Variants in WDPCP observed in about 807,000 individuals in gnomAD.
The protein encoded by WDPCP is WD repeat containing planar cell polarity effector, also known as WD repeat-containing and planar cell polarity effector protein fritz homolog.
WDPCP carries 71 observed loss-of-function variants against 93.1 expected under a neutral mutation model. The ratio of observed to expected loss-of-function variants is 0.76; its 90% CI spans 0.63 to 0.93. WDPCP has a LOEUF of 0.93. WDPCP is among the 40% of genes least tolerant of loss of function. The pLI is 0.00. For missense variants in WDPCP, 844 were observed against 887.4 expected (o/e 0.95, Z 0.62); for synonymous variants, 315 against 315.0 (o/e 1.00, Z 0.00).
intron 1 of WDPCP, among the ~76,000 whole-genome samples, chr2:63,570,728 ATTTAG>A (rs1259642682): frequency 6.6e-6 from 1 of 152,158 alleles, no homozygotes; most frequent in African/African-American, 2.4e-5. Context: ...AAATACTTTA[ATTTAG>A]TTTATTCATA....
chr2:63,170,702 T>G (rs1335916339), intron 15 of WDPCP, among the ~76,000 whole-genome samples: 1 of 152,242 alleles, frequency 6.6e-6, no homozygotes, highest in Non-Finnish European at 1.5e-5. Context: ...ATAATTTTCC[T>G]TAACTGATGT....
At chr2:63,337,579 C>T (rs1381451894) in intron 12 of WDPCP, among the ~76,000 whole-genome samples, 1 of 152,160 alleles carries the variant, frequency 6.6e-6, no homozygotes. Flanking sequence ...GAGGAACCTC[C>T]ATTCTGTTCT....
chr2:63,359,151 A>G (rs1451586738), intron 12 of WDPCP, among the ~76,000 whole-genome samples: 2 of 151,286 alleles, frequency 1.3e-5, no homozygotes, highest in African/African-American at 4.9e-5. Flanking sequence ...TCGTATCTCA[A>G]TACTACTTTG....
intron 12 of WDPCP, among the ~76,000 whole-genome samples, chr2:63,348,941 T>C (rs1689382604): frequency 6.6e-6 from 1 of 152,176 alleles, no homozygotes; most frequent in Non-Finnish European, 1.5e-5. Context: ...GCAGTATAAA[T>C]TGTGGACCTG....
At chr2:63,698,301 T>C (rs1279057369) in intron 2 of WDPCP, among the ~76,000 whole-genome samples, 1 of 152,184 alleles carries the variant, frequency 6.6e-6, no homozygotes, top group Non-Finnish European at 1.5e-5. Flanking sequence ...GTGACCTTTA[T>C]GCAAGGTCTT....
intron 12 of WDPCP, among the ~76,000 whole-genome samples, chr2:63,358,202 A>G (rs549237567): frequency 4.6e-5 from 7 of 152,296 alleles, no homozygotes; most frequent in Admixed American, 2.0e-4. Flanking sequence ...TATGTATGTA[A>G]CAAACCTTCA....
chr2:63,445,726 T>C (rs749227455), intron 6 of WDPCP, among the ~76,000 whole-genome samples: 9 of 152,280 alleles, frequency 5.9e-5, no homozygotes, highest in Non-Finnish European at 1.2e-4. Context: ...AAAGTAGATT[T>C]TGTATTTGTC....
chr2:63,363,998 C>T (rs185430803), intron 12 of WDPCP, among the ~76,000 whole-genome samples: 1 of 152,206 alleles, frequency 6.6e-6, no homozygotes, highest in African/African-American at 2.4e-5. Flanking sequence ...TATGATCATG[C>T]CTGTGAATAG....
intron 9 of WDPCP, among the ~76,000 whole-genome samples, chr2:63,408,293 C>T (rs944172486): frequency 2.0e-5 from 3 of 152,088 alleles, no homozygotes; most frequent in African/African-American, 7.2e-5. Flanking sequence ...GGGAGAGCCT[C>T]CTCTCCTGAA....
chr2:63,685,838 A>C (rs1486580165), intron 2 of WDPCP, among the ~76,000 whole-genome samples: 1 of 152,258 alleles, frequency 6.6e-6, no homozygotes, highest in Non-Finnish European at 1.5e-5. Context: ...TTACATCAAG[A>C]GAATGAAGGA....
chr2:63,687,577 G>T (rs1490451405), intron 2 of WDPCP, among the ~76,000 whole-genome samples: 1 of 152,190 alleles, frequency 6.6e-6, no homozygotes, highest in Non-Finnish European at 1.5e-5. Context: ...ACAGGCATAT[G>T]AAAAGGTGCT....
At chr2:63,127,690 T>TATATATATATATATATATAC (rs1670014566) in intron 17 of WDPCP, among the ~76,000 whole-genome samples, 1 of 140,218 alleles carries the variant, frequency 7.1e-6, no homozygotes, top group Non-Finnish European at 1.6e-5. Context: ...TATATATATA[T>TATATATATATATATATATAC]ATATACGCAC....
intron 1 of WDPCP, among the ~76,000 whole-genome samples, chr2:63,819,244 GAACT>G (rs1415332415): frequency 1.3e-5 from 2 of 152,142 alleles, no homozygotes; most frequent in East Asian, 1.9e-4. Context: ...TTTATCAGGG[GAACT>G]AACAGGGCTG....
At chr2:63,228,387 C>CTTTTTTTTTTTTTTTTTT in intron 14 of WDPCP, 2 of 110,428 alleles carry the variant, frequency 1.8e-5, no homozygotes, top group African/African-American at 3.5e-5. Context: ...TTTTCTTTTT[C>CTTTTTTTTTTTTTTTTTT]TTTTTTTTTT....
At chr2:63,630,242 A>G (rs549567353) in intron 3 of WDPCP, among the ~76,000 whole-genome samples, 1 of 152,326 alleles carries the variant, frequency 6.6e-6, no homozygotes, top group African/African-American at 2.4e-5. Flanking sequence ...CGGAGGAAAC[A>G]AATAGAAAGC....
At chr2:63,628,952 A>G (rs1709838434) in intron 3 of WDPCP, among the ~76,000 whole-genome samples, 1 of 152,184 alleles carries the variant, frequency 6.6e-6, no homozygotes, top group Non-Finnish European at 1.5e-5. Flanking sequence ...TCCAAAACAA[A>G]ACAACAACCA....
chr2:63,267,443 G>C (rs1301823129), intron 13 of WDPCP, among the ~76,000 whole-genome samples: 1 of 152,126 alleles, frequency 6.6e-6, no homozygotes, highest in African/African-American at 2.4e-5. Flanking sequence ...TTCTTGGCTA[G>C]GATTCCAAAA....
intron 14 of WDPCP, among the ~76,000 whole-genome samples, chr2:63,199,123 T>C (rs1175916238): frequency 6.6e-6 from 1 of 152,184 alleles, no homozygotes. Flanking sequence ...ATTCAAGGTT[T>C]GGCCCAGCTG....
intron 6 of WDPCP, among the ~76,000 whole-genome samples, chr2:63,457,662 A>T (rs1314566367): frequency 6.6e-6 from 1 of 152,240 alleles, no homozygotes; most frequent in African/African-American, 2.4e-5. Flanking sequence ...ATGCACATCA[A>T]TAAACATGAT....
Sources: gnomAD v4.1 joint callset for allele counts (sites outside exome capture counted in the v4.1 genomes callset) on GRCh38, gnomAD v4.1.1 for gene constraint, MANE v1.5 for transcripts, NCBI Gene and HGNC (gene_info 2026-07-23, HGNC 2026-07-21) for gene names.